PCED1B: variants seen among roughly 807,000 people sequenced by gnomAD.
PCED1B encodes PC-esterase domain-containing protein 1B.
For missense variants in PCED1B, 573 were observed against 573.9 expected, an observed-to-expected ratio of 1.00 and a Z score of 0.02; for synonymous variants, 251 against 246.1, an observed-to-expected ratio of 1.02 and a Z score of -0.19.
Position 47,183,917 on chromosome 12 carries a change from A to T in PCED1B, c.-525-32305A>T, listed in dbSNP as rs534612043. Among the ~76,000 whole-genome samples the T allele has an allele frequency of 9.8e-5, 15 of 152,350 alleles. No homozygotes were observed. The South Asian group carries it at 1.2e-3, about 13-fold the overall frequency. ...CGCACCAGTTGGTGCTATGCTAGGC[A>T]GTGGGGATACTGCATGAACAGAACA... On this transcript the variant is annotated intron_variant, in intron 2 of 3. Transcript: ENST00000546455.
chr12:47,151,805 G>A (rs1369172264), intron 2 of PCED1B, among the ~76,000 whole-genome samples: 1 of 152,236 alleles, frequency 6.6e-6, no homozygotes, highest in Admixed American at 6.5e-5. Context: ...CAAATGAGAT[G>A]AGATCCACCC....
intron 2 of PCED1B, among the ~76,000 whole-genome samples, chr12:47,126,161 AT>A (rs1341214864): frequency 1.3e-5 from 2 of 151,876 alleles, no homozygotes; most frequent in South Asian, 2.1e-4. Context: ...AAGAAAAAAA[AT>A]TTTTTTTCAG....
chr12:47,093,295 G>T (rs1379294030), intron 1 of PCED1B, among the ~76,000 whole-genome samples: 2 of 151,388 alleles, frequency 1.3e-5, no homozygotes, highest in African/African-American at 4.8e-5. Context: ...TCCTTTTATT[G>T]TCCTTTTGAT....
intron 3 of PCED1B, among the ~76,000 whole-genome samples, chr12:47,227,150 G>GTTTGT (rs138515365): frequency 0.026 from 3,990 of 151,952 alleles, 87 homozygotes; most frequent in Middle Eastern, 0.071. Flanking sequence ...TTGTTTGTTT[G>GTTTGT]TTTGTTTTGT....
intron 2 of PCED1B, among the ~76,000 whole-genome samples, chr12:47,177,500 C>T (rs1176729119): frequency 1.3e-5 from 2 of 152,222 alleles, no homozygotes; most frequent in African/African-American, 4.8e-5. Flanking sequence ...TCTTCTGCTT[C>T]GTGACTGATT....
At chr12:47,228,534 C>G (rs1294696425) in intron 3 of PCED1B, among the ~76,000 whole-genome samples, 1 of 152,074 alleles carries the variant, frequency 6.6e-6, no homozygotes, top group Non-Finnish European at 1.5e-5. Context: ...AATCTTAGCT[C>G]TATCACATCA....
Position 47,236,516 on chromosome 12 carries a change from C to G in PCED1B, c.*154C>G. Reference sequence around the variant, plus strand: ...TGTTCATTGCTGTTACCAAGAAAGCCAAGGAAGAGCAGCCTGACTCATTCT... The same window carrying G: ...TGTTCATTGCTGTTACCAAGAAAGCGAAGGAAGAGCAGCCTGACTCATTCT... On this transcript the variant is annotated 3_prime_UTR_variant, in exon 4 of 4. Transcript: ENST00000546455. 3.9e-6 allele frequency: 3 copies of G among 767,086 alleles called. No homozygotes were observed. The highest frequency in any genetic ancestry group is 6.0e-6 in the Non-Finnish European group (3 of 500,330). The allele number at this position is 767,086 out of a possible 1,614,324, so 47.5% of individuals were successfully genotyped here.
At chr12:47,153,866 A>G (rs1315719027) in intron 2 of PCED1B, among the ~76,000 whole-genome samples, 1 of 152,158 alleles carries the variant, frequency 6.6e-6, no homozygotes, top group Non-Finnish European at 1.5e-5. Context: ...CCATGGGAAG[A>G]CTAAACCTGC....
chr12:47,117,777 T>C (rs889247107), intron 2 of PCED1B, among the ~76,000 whole-genome samples: 2 of 152,216 alleles, frequency 1.3e-5, no homozygotes, highest in African/African-American at 4.8e-5. Context: ...CGCCACACTG[T>C]CTTCCACAAT....
At chr12:47,194,269 G>A (rs1312930463) in intron 2 of PCED1B, among the ~76,000 whole-genome samples, 2 of 152,192 alleles carry the variant, frequency 1.3e-5, no homozygotes, top group East Asian at 3.9e-4. Context: ...CCACCTGCTG[G>A]GTTCAAGTGA....
At chr12:47,084,056 G>C (rs1327920819) in intron 1 of PCED1B, among the ~76,000 whole-genome samples, 1 of 152,034 alleles carries the variant, frequency 6.6e-6, no homozygotes, top group Non-Finnish European at 1.5e-5. Context: ...ACAGAATACA[G>C]ATGCTCCTCA....
chr12:47,139,171 T>C (rs74083867), intron 2 of PCED1B, among the ~76,000 whole-genome samples: 3,736 of 152,234 alleles, frequency 0.025, 146 homozygotes, highest in African/African-American at 0.083. Context: ...ATGATTTTTG[T>C]AACCTTAGAC....
chr12:47,222,408 G>A (rs570512600), intron 3 of PCED1B, among the ~76,000 whole-genome samples: 2 of 90,166 alleles, frequency 2.2e-5, no homozygotes, highest in Admixed American at 2.7e-4. Flanking sequence ...GGCAACAAGA[G>A]CAAAACTCCA....
chr12:47,232,097 T>TC (rs1243566231), intron 3 of PCED1B, among the ~76,000 whole-genome samples: 2 of 152,234 alleles, frequency 1.3e-5, no homozygotes, highest in Admixed American at 6.5e-5. Context: ...GAGCATATAG[T>TC]AGGCACTTAT....
intron 2 of PCED1B, among the ~76,000 whole-genome samples, chr12:47,137,533 A>C (rs935765733): frequency 2.0e-5 from 3 of 152,134 alleles, no homozygotes; most frequent in Non-Finnish European, 4.4e-5. Context: ...GAATCATTTC[A>C]GCCTGGGCAG....
intron 2 of PCED1B, among the ~76,000 whole-genome samples, chr12:47,158,170 T>C (rs1309502792): frequency 2.0e-5 from 3 of 152,206 alleles, no homozygotes; most frequent in Non-Finnish European, 4.4e-5. Context: ...TTGTGTGTGT[T>C]CCCAGAAGTG....
Position 47,236,274 on chromosome 12 carries a change from G to A in PCED1B, c.1211G>A (p.Arg404His), listed in dbSNP as rs139764765. 1,214 of 1,614,076 alleles carry A rather than the reference G, an allele frequency of 7.5e-4. No homozygotes were observed. The highest frequency in any genetic ancestry group is 9.2e-4 in the Non-Finnish European group (1,088 of 1,180,018). Residue 404 changes from arginine (R) to histidine (H), a missense_variant, in exon 4 of 4, where the codon CGT becomes CAT. Transcript: ENST00000546455. ...PVVHRGFGRY[R>H]PRGPYTPWGQ... ...GTACATAGGGGTTTTGGCAGGTATC[G>A]TCCCCGTGGCCCCTATACGCCCTGG...
chr12:47,200,274 C>T (rs1942725305), intron 2 of PCED1B, among the ~76,000 whole-genome samples: 1 of 151,906 alleles, frequency 6.6e-6, no homozygotes, highest in African/African-American at 2.4e-5. Context: ...AGTAAAAACA[C>T]GGGCAAAAGA....
chr12:47,087,106 A>G (rs114662767), intron 1 of PCED1B, among the ~76,000 whole-genome samples: 6,193 of 152,242 alleles, frequency 0.041, 420 homozygotes, highest in African/African-American at 0.14. Context: ...TGGCTGCTCC[A>G]TGGGTAATTT....
Sources: gnomAD v4.1 joint callset for allele counts (sites outside exome capture counted in the v4.1 genomes callset) on GRCh38, gnomAD v4.1.1 for gene constraint, MANE v1.5 for transcripts, NCBI Gene and HGNC (gene_info 2026-07-23, HGNC 2026-07-21) for gene names.